Variants in AP2B1 observed in about 807,000 individuals in gnomAD.
The protein encoded by AP2B1 is adaptor related protein complex 2 subunit beta 1, also known as AP-2 complex subunit beta.
AP2B1 carries 23 observed loss-of-function variants against 102.0 expected under a neutral mutation model. That is an observed-to-expected ratio of 0.23 (90% CI 0.16 to 0.32). AP2B1 has a LOEUF of 0.32. AP2B1 is among the 10% of genes least tolerant of loss of function. AP2B1 has a pLI of 1.00. For synonymous variants in AP2B1, 381 were observed against 421.2 expected, an observed-to-expected ratio of 0.90 and a Z score of 1.17; for missense variants, 541 against 1,157.4, an observed-to-expected ratio of 0.47 and a Z score of 7.73.
In AP2B1 at chr17:35,720,573, A is replaced by ATTTTTTTT. The variant is rs1208973388; in HGVS notation, c.2782-3032_2782-3025dup. Among the ~76,000 whole-genome samples, 13 of 28,068 alleles carry ATTTTTTTT rather than the reference A, an allele frequency of 4.6e-4. 2 individuals are homozygous for ATTTTTTTT. Among genetic ancestry groups the ATTTTTTTT allele is most frequent in the Admixed American group, 6.0e-4 (1 of 1,660 alleles). 18.4% of individuals were successfully genotyped at this position (28,068 alleles called of 152,430 possible). On this transcript the variant is annotated intron_variant, in intron 21 of 21. Coordinates refer to ENST00000610402, the MANE Select transcript of AP2B1 (RefSeq NM_001030006.2). ...TATATATATATATATATATATATATATTTTTTTTTTTTTTTTTTTTTTTTT... is the reference window on the plus strand; with the variant it reads ...TATATATATATATATATATATATATATTTTTTTTTTTTTTTTTTTTTTTTTTTTTTTTT...
intron 14 of AP2B1, among the ~76,000 whole-genome samples, chr17:35,661,694 T>C (rs938090462): frequency 6.6e-6 from 1 of 152,228 alleles, no homozygotes; most frequent in Non-Finnish European, 1.5e-5. Context: ...TTTTATATTT[T>C]GGATTGTCTA....
intron 2 of AP2B1, 67 bp from the exon 3 acceptor site, chr17:35,598,163 A>G (rs2073355247): frequency 3.9e-6 from 3 of 775,438 alleles, no homozygotes; most frequent in East Asian, 2.5e-5. Context: ...TGGTTATTAC[A>G]TAGTGTAGTA....
At chr17:35,592,611 C>T (rs1266112120) in intron 1 of AP2B1, among the ~76,000 whole-genome samples, 1 of 152,114 alleles carries the variant, frequency 6.6e-6, no homozygotes, top group African/African-American at 2.4e-5. Context: ...GGCGTGATCT[C>T]GGCTTACTGC....
At chr17:35,646,027 A>G (rs1457196040) in intron 12 of AP2B1, among the ~76,000 whole-genome samples, 1 of 152,218 alleles carries the variant, frequency 6.6e-6, no homozygotes, top group Non-Finnish European at 1.5e-5. Context: ...GATGTAATGA[A>G]TCAGAATCTC....
intron 18 of AP2B1, among the ~76,000 whole-genome samples, chr17:35,703,038 C>T (rs910721887): frequency 5.3e-5 from 8 of 151,184 alleles, no homozygotes; most frequent in Non-Finnish European, 1.0e-4. Flanking sequence ...TTTGGGAGGC[C>T]GAGGCAGGTG....
intron 2 of AP2B1, among the ~76,000 whole-genome samples, chr17:35,596,537 G>A (rs2073281440): frequency 6.8e-6 from 1 of 146,928 alleles, no homozygotes; most frequent in African/African-American, 2.5e-5. Context: ...TTTTTTTGGA[G>A]GAGGGGAGGT....
At chr17:35,622,662 A>T (rs1212100217) in intron 5 of AP2B1, among the ~76,000 whole-genome samples, 1 of 151,948 alleles carries the variant, frequency 6.6e-6, no homozygotes, top group African/African-American at 2.4e-5. Flanking sequence ...ATACTTGGAG[A>T]ATATTTATTT....
At position 35,621,989 on chromosome 17, in the gene AP2B1, A is replaced by G. The variant is rs1456497775; in HGVS notation, c.526-2408A>G. Among the ~76,000 whole-genome samples the G allele has an allele frequency of 3.3e-5, 5 of 152,226 alleles. No homozygotes were observed. In the East Asian group the frequency reaches 9.6e-4, roughly 29 times the overall value. ...CAAAACAGGCATTTGGCCTTCTGATATGATATTTTGATTCTTTAGACTATA... is the reference window on the plus strand; with the variant it reads ...CAAAACAGGCATTTGGCCTTCTGATGTGATATTTTGATTCTTTAGACTATA... On this transcript the variant is annotated intron_variant, in intron 5 of 21. Transcript: ENST00000610402.
chr17:35,635,760 G>T (rs1427874654), intron 9 of AP2B1, among the ~76,000 whole-genome samples: 2 of 152,190 alleles, frequency 1.3e-5, no homozygotes, highest in South Asian at 4.2e-4. Context: ...ACAATGGCGC[G>T]ATCTCGGCTC....
At chr17:35,598,650 A>G (rs1165138734) in intron 3 of AP2B1, among the ~76,000 whole-genome samples, 1 of 152,216 alleles carries the variant, frequency 6.6e-6, no homozygotes, top group Non-Finnish European at 1.5e-5. Context: ...GTTTTAGAAG[A>G]TGATAAAAAT....
intron 1 of AP2B1, among the ~76,000 whole-genome samples, chr17:35,590,407 C>T (rs1046368543): frequency 6.6e-6 from 1 of 151,966 alleles, no homozygotes; most frequent in Non-Finnish European, 1.5e-5. Context: ...TAAAATTAAC[C>T]AGGTTAAGGC....
rs1489023776 is a variant in AP2B1, at chr17:35,724,372, T to G, written c.*673T>G. 2.0e-5 allele frequency: 3 copies of G among 152,252 alleles called. No homozygotes were observed. The highest frequency in any genetic ancestry group is 7.2e-5 in the African/African-American group (3 of 41,450). 9.4% of individuals were successfully genotyped at this position (152,252 alleles called of 1,614,324 possible). A position where few individuals can be genotyped will look rare whatever the true frequency, so the allele number is the denominator to read the frequency against. ...ATATTATAATCTCATTTGATTGCTC[T>G]GCAGTTGGGAACGGTGATCTTCTTG... On this transcript the variant is annotated 3_prime_UTR_variant, in exon 22 of 22. Coordinates refer to ENST00000610402, the MANE Select transcript of AP2B1 (RefSeq NM_001030006.2).
intron 12 of AP2B1, among the ~76,000 whole-genome samples, chr17:35,644,562 T>TC (rs1325204444): frequency 2.6e-4 from 39 of 151,174 alleles, no homozygotes; most frequent in African/African-American, 9.2e-4. Context: ...TTTTTTTTTT[T>TC]CCAGTAGAGA....
chr17:35,651,163 T>C (rs1314513126), intron 13 of AP2B1, among the ~76,000 whole-genome samples: 1 of 152,238 alleles, frequency 6.6e-6, no homozygotes, highest in Non-Finnish European at 1.5e-5. Flanking sequence ...AAAAAGCCTG[T>C]GTATACATTT....
intron 9 of AP2B1, among the ~76,000 whole-genome samples, chr17:35,632,977 G>C (rs2074504903): frequency 6.6e-6 from 1 of 151,696 alleles, no homozygotes; most frequent in African/African-American, 2.4e-5. Context: ...CAACTGTTTT[G>C]CTGTTGCAAT....
intron 16 of AP2B1, among the ~76,000 whole-genome samples, chr17:35,672,202 G>C (rs900865653): frequency 6.6e-6 from 1 of 152,148 alleles, no homozygotes; most frequent in Non-Finnish European, 1.5e-5. Context: ...AAAATCTAGT[G>C]GTATGTAGTG....
chr17:35,720,750 T>C (rs936523579), intron 21 of AP2B1, among the ~76,000 whole-genome samples: 1 of 148,664 alleles, frequency 6.7e-6, no homozygotes, highest in East Asian at 2.0e-4. Flanking sequence ...TATTTTTAAA[T>C]GGTGAATTTG....
chr17:35,615,810 G>A (rs2073994701), intron 5 of AP2B1, among the ~76,000 whole-genome samples: 1 of 152,200 alleles, frequency 6.6e-6, no homozygotes. Flanking sequence ...CACTTGATAA[G>A]AGTAACATTG....
chr17:35,614,541 G>C (rs1634683), intron 5 of AP2B1, among the ~76,000 whole-genome samples: 130,820 of 151,724 alleles, frequency 0.86, 56,685 homozygotes, highest in East Asian at 0.97. Flanking sequence ...GGTTTACTGC[G>C]TAGCCCCTTT....
Sources: allele counts gnomAD v4.1 joint callset (sites outside exome capture counted in the v4.1 genomes callset), GRCh38; gene constraint gnomAD v4.1.1; transcripts MANE v1.5; gene names NCBI Gene and HGNC (gene_info 2026-07-23, HGNC 2026-07-21).